COL24A1: variants seen among roughly 807,000 people sequenced by gnomAD.
COL24A1 encodes collagen alpha-1(XXIV) chain.
A neutral mutation model predicts 253.9 loss-of-function variants in COL24A1; 224 were observed. The observed-to-expected ratio is 0.88, with a 90% CI of 0.79 to 0.99. COL24A1 has a LOEUF of 0.99. Ranked by LOEUF, COL24A1 falls within the 50% of genes least tolerant of loss-of-function variation. The probability of loss-of-function intolerance (pLI) is 0.00; values close to 1 mark genes in which losing one functional copy is unlikely to be tolerated. For synonymous variants in COL24A1, 685 were observed against 673.7 expected, an observed-to-expected ratio of 1.02 and a Z score of -0.26; for missense variants, 2,131 against 2,068.5, an observed-to-expected ratio of 1.03 and a Z score of -0.59.
chr1:86,063,644 A>G, intron 8 of COL24A1, 71 bp downstream of exon 8: 1 of 1,115,452 alleles, frequency 9.0e-7, no homozygotes, highest in South Asian at 2.2e-5. Context: ...GGGGAAAATA[A>G]TCTCTCAAAG....
chr1:86,100,216 G>T (rs1001450185), intron 5 of COL24A1, among the ~76,000 whole-genome samples: 5 of 152,078 alleles, frequency 3.3e-5, no homozygotes, highest in Admixed American at 1.3e-4. Context: ...ATTCTTCAAA[G>T]ATTGAATCAA....
chr1:85,822,632 A>G (rs543521545), intron 45 of COL24A1, among the ~76,000 whole-genome samples: 147 of 152,274 alleles, frequency 9.7e-4, no homozygotes, highest in Non-Finnish European at 1.6e-3. Context: ...ACATAGTCAA[A>G]CTACTTTTTC....
intron 1 of COL24A1, among the ~76,000 whole-genome samples, chr1:86,147,701 G>T (rs904531799): frequency 1.8e-4 from 28 of 152,340 alleles, no homozygotes; most frequent in Non-Finnish European, 2.8e-4. Flanking sequence ...GGTGATTCTA[G>T]TGCAGATTGT....
chr1:85,859,585 G>T (rs572454906), intron 37 of COL24A1, among the ~76,000 whole-genome samples: 1 of 152,010 alleles, frequency 6.6e-6, no homozygotes, highest in South Asian at 2.1e-4. Flanking sequence ...TCTCTTCAAG[G>T]ATATGTTGTT....
intron 24 of COL24A1, among the ~76,000 whole-genome samples, chr1:85,926,436 A>C (rs987553559): frequency 6.6e-6 from 1 of 152,242 alleles, no homozygotes; most frequent in Non-Finnish European, 1.5e-5. Context: ...CATCAATGAC[A>C]GACTGGATTA....
chr1:85,905,882 T>C (rs1184622716), intron 28 of COL24A1, among the ~76,000 whole-genome samples: 2 of 152,054 alleles, frequency 1.3e-5, no homozygotes, highest in Non-Finnish European at 2.9e-5. Context: ...GTATTTCTTC[T>C]TTTTTTCATC....
chr1:85,808,520 C>T (rs1178317967), intron 47 of COL24A1, among the ~76,000 whole-genome samples: 1 of 152,150 alleles, frequency 6.6e-6, no homozygotes, highest in African/African-American at 2.4e-5. Flanking sequence ...AAAGCAGTAT[C>T]CCTTCCCTGT....
rs533092551 is a variant in COL24A1 at position 85,971,775 on chromosome 1, A to G, written c.2365-382T>C. ...TGGAGGAAACAAACAGTGTTTTAAT[A>G]TCTATTAAGAGATCTGCAGAGTCTG... is the stretch of plus-strand genomic sequence containing the variant. On this transcript the variant is annotated intron_variant, in intron 20 of 59. Coordinates refer to ENST00000370571, the MANE Select transcript of COL24A1 (RefSeq NM_152890.7). Among the ~76,000 whole-genome samples, 10 of 152,296 alleles carry G rather than the reference A, an allele frequency of 6.6e-5. No individual in the cohort carries two copies. The East Asian group carries it at 1.9e-3, about 29-fold the overall frequency.
At chr1:85,875,716 G>GACACACACACACAC (rs141827930) in intron 33 of COL24A1, among the ~76,000 whole-genome samples, 59 of 141,108 alleles carry the variant, frequency 4.2e-4, no homozygotes, top group African/African-American at 5.2e-4. Context: ...CATTATAAAA[G>GACACACACACACAC]ACACACACAC....
At chr1:85,986,018 C>G (rs1693692607) in intron 20 of COL24A1, among the ~76,000 whole-genome samples, 1 of 151,854 alleles carries the variant, frequency 6.6e-6, no homozygotes, top group African/African-American at 2.4e-5. Flanking sequence ...ATCCCCTTGT[C>G]TGCTTCACAA....
intron 7 of COL24A1, among the ~76,000 whole-genome samples, chr1:86,084,086 G>A (rs75876610): frequency 0.01 from 1,572 of 152,066 alleles, 30 homozygotes; most frequent in African/African-American, 0.036. Context: ...ATACAACAAA[G>A]GCCTATAACC....
chr1:85,912,701 G>A (rs771882347), intron 24 of COL24A1, among the ~76,000 whole-genome samples: 4 of 152,124 alleles, frequency 2.6e-5, no homozygotes, highest in Non-Finnish European at 4.4e-5. Context: ...TTTGACAGAT[G>A]AGGCAGATGA....
At chr1:86,003,535 G>T (rs1304014121) in intron 19 of COL24A1, among the ~76,000 whole-genome samples, 3 of 152,096 alleles carry the variant, frequency 2.0e-5, no homozygotes, top group African/African-American at 7.2e-5. Context: ...GCTTCAGCTT[G>T]ATTTATGGTT....
intron 20 of COL24A1, among the ~76,000 whole-genome samples, chr1:85,972,547 A>C (rs577572746): frequency 6.6e-6 from 1 of 152,332 alleles, no homozygotes; most frequent in East Asian, 1.9e-4. Flanking sequence ...GGAAATGGGC[A>C]CATTGTGTCT....
intron 43 of COL24A1, among the ~76,000 whole-genome samples, chr1:85,828,961 T>C (rs1674790338): frequency 6.6e-6 from 1 of 151,606 alleles, no homozygotes; most frequent in Admixed American, 6.6e-5. Flanking sequence ...TTTGATCCTG[T>C]CATTATGCTG....
intron 13 of COL24A1, among the ~76,000 whole-genome samples, chr1:86,032,795 T>C (rs1166059157): frequency 6.6e-6 from 1 of 152,134 alleles, no homozygotes; most frequent in Non-Finnish European, 1.5e-5. Flanking sequence ...AATATTATTA[T>C]ATTTTAAATG....
chr1:85,987,201 G>A (rs916937452), intron 20 of COL24A1, among the ~76,000 whole-genome samples: 1 of 151,826 alleles, frequency 6.6e-6, no homozygotes, highest in South Asian at 2.1e-4. Context: ...GGTCTTTTGT[G>A]CTATGTAGAG....
At chr1:85,869,454 C>T (rs944101012) in intron 35 of COL24A1, among the ~76,000 whole-genome samples, 1 of 152,148 alleles carries the variant, frequency 6.6e-6, no homozygotes, top group Admixed American at 6.6e-5. Flanking sequence ...AGAGAAAGGT[C>T]GGGTTAACCA....
intron 45 of COL24A1, among the ~76,000 whole-genome samples, chr1:85,821,904 G>A (rs1198189283): frequency 6.6e-6 from 1 of 152,166 alleles, no homozygotes; most frequent in Non-Finnish European, 1.5e-5. Context: ...CTGCAAATAT[G>A]AAAGTATTAA....
Sources: allele counts gnomAD v4.1 joint callset (sites outside exome capture counted in the v4.1 genomes callset), GRCh38; gene constraint gnomAD v4.1.1; transcripts MANE v1.5; gene names NCBI Gene and HGNC (gene_info 2026-07-23, HGNC 2026-07-21).